TGM6: variants seen among roughly 807,000 people sequenced by gnomAD.
TGM6 encodes protein-glutamine gamma-glutamyltransferase 6.
In TGM6, 74 loss-of-function variants were observed where a neutral mutation model predicts 77.5. The ratio of observed to expected loss-of-function variants is 0.96; its 90% CI spans 0.79 to 1.16. TGM6 has a LOEUF of 1.16. TGM6 is among the 50% of genes most tolerant of loss of function. The probability of loss-of-function intolerance (pLI) is 0.00; values close to 1 mark genes in which losing one functional copy is unlikely to be tolerated. For synonymous variants in TGM6, 383 were observed against 378.9 expected (o/e 1.01, Z -0.12); for missense variants, 968 against 940.2 (o/e 1.03, Z -0.39).
intron 10 of TGM6, among the ~76,000 whole-genome samples, chr20:2,424,305 G>T (rs556616720): frequency 6.6e-6 from 1 of 152,288 alleles, no homozygotes; most frequent in African/African-American, 2.4e-5. Context: ...GTTTTATGTA[G>T]CCATCTTCAC....
At chr20:2,381,081 A>T in intron 1 of TGM6, 106 bp downstream of exon 1, 1 of 1,468,892 alleles carries the variant, frequency 6.8e-7, no homozygotes, top group Admixed American at 2.0e-5. Flanking sequence ...TTAGGATTTT[A>T]CAGCTGGATA....
chr20:2,429,789 G>A (rs1249825651), intron 10 of TGM6, among the ~76,000 whole-genome samples: 1 of 152,054 alleles, frequency 6.6e-6, no homozygotes, highest in South Asian at 2.1e-4. Flanking sequence ...AAAGACTGAG[G>A]TTTATGGTGA....
At chr20:2,383,059 G>A (rs551607007) in intron 1 of TGM6, among the ~76,000 whole-genome samples, 2 of 152,306 alleles carry the variant, frequency 1.3e-5, no homozygotes, top group South Asian at 4.1e-4. Context: ...GAGGCCAGCA[G>A]CTTCCAACAA....
Position 2,403,473 on chromosome 20 carries a change from G to A in TGM6, c.1066G>A (p.Asp356Asn). Reference sequence around the variant, plus strand: ...CTCTTACAATGGCTGGCAGGTTCTGGATGCCACCCCCCAGGAGGAGAGTGA... The same window carrying A: ...CTCTTACAATGGCTGGCAGGTTCTGAATGCCACCCCCCAGGAGGAGAGTGA... Reference protein sequence around the residue: ...GPSYNGWQVLDATPQEESEGV... With the variant: ...GPSYNGWQVLNATPQEESEGV... The change falls in exon 8 of 13, where the codon GAT becomes AAT. Residue 356 changes from aspartate to asparagine, a missense_variant. Asp to Asn is a conservative substitution (Grantham distance 23). Transcript: ENST00000202625. 6.2e-7 allele frequency: 1 copy of A among 1,614,192 alleles called. No homozygotes were observed. The highest frequency in any genetic ancestry group is 8.5e-7 in the Non-Finnish European group (1 of 1,180,034).
chr20:2,425,026 A>G lies in TGM6; in HGVS notation c.1679-5420A>G, dbSNP rs115242410. Among the ~76,000 whole-genome samples, 492 of 152,282 alleles carry G rather than the reference A, an allele frequency of 3.2e-3. 4 individuals carry two copies. Among genetic ancestry groups the G allele is most frequent in the African/African-American group, 0.011 (470 of 41,562 alleles). ...TGTGGTGCTAACAAACAGTTACAATAGTAGCCTCAAAGATCACTGATCAAG... is the reference window on the plus strand; with the variant it reads ...TGTGGTGCTAACAAACAGTTACAATGGTAGCCTCAAAGATCACTGATCAAG... On this transcript the variant is annotated intron_variant, in intron 10 of 12. Transcript: ENST00000202625.
intron 10 of TGM6, among the ~76,000 whole-genome samples, chr20:2,418,812 C>G (rs1298492438): frequency 6.6e-6 from 1 of 151,984 alleles, no homozygotes; most frequent in Non-Finnish European, 1.5e-5. Flanking sequence ...CGCGGTGGCT[C>G]ACGCCTGTAA....
chr20:2,426,795 T>C (rs6048880), intron 10 of TGM6, among the ~76,000 whole-genome samples: 33,958 of 152,112 alleles, frequency 0.22, 3,991 homozygotes, highest in South Asian at 0.3. Flanking sequence ...TCCTGTTGAT[T>C]TGATGGACTA....
intron 10 of TGM6, among the ~76,000 whole-genome samples, chr20:2,421,326 G>A (rs1256307637): frequency 2.6e-5 from 4 of 152,200 alleles, no homozygotes; most frequent in Non-Finnish European, 5.9e-5. Context: ...GAGCACACTT[G>A]CTGCACCTTA....
intron 1 of TGM6, among the ~76,000 whole-genome samples, chr20:2,392,211 C>T (rs1227732690): frequency 1.3e-5 from 2 of 152,186 alleles, no homozygotes; most frequent in East Asian, 1.9e-4. Flanking sequence ...GGGTCTGTAG[C>T]ATCCAGCACA....
chr20:2,430,639 C>T, intron 11 of TGM6, 39 bp downstream of exon 11: 1 of 1,613,094 alleles, frequency 6.2e-7, no homozygotes, highest in African/African-American at 1.3e-5. Context: ...TTCCTAGTGG[C>T]ACCCACTCCC....
intron 1 of TGM6, among the ~76,000 whole-genome samples, chr20:2,389,429 C>CAA (rs564625196): frequency 6.6e-6 from 1 of 152,268 alleles, no homozygotes; most frequent in East Asian, 1.9e-4. Context: ...TCCTGACCCA[C>CAA]AAAAACCATG....
chr20:2,402,325 T>C (rs1037816573), intron 7 of TGM6, among the ~76,000 whole-genome samples: 1 of 152,236 alleles, frequency 6.6e-6, no homozygotes, highest in Admixed American at 6.5e-5. Flanking sequence ...CAGAGAGCCT[T>C]GTATCCTTGT....
At position 2,417,479 on chromosome 20, in the gene TGM6, G is replaced by A; in HGVS notation, c.1584G>A (p.Arg528=). ...ANLTSRAQRV[R]VNLSGATILY... ...TCACCTCCCGGGCCCAGCGGGTGAG[G>A]GTCAACCTGAGCGGTGCCACCATCC... is the stretch of plus-strand genomic sequence containing the variant. The change falls in exon 10 of 13, where the codon AGG becomes AGA. Residue 528 remains arginine, a synonymous_variant. Transcript: ENST00000202625. The A allele has an allele frequency of 1.2e-6, 2 of 1,610,086 alleles. No individual in the cohort carries two copies. The highest frequency in any genetic ancestry group is 1.3e-5 in the African/African-American group (1 of 75,032).
At chr20:2,413,845 C>G (rs896382826) in intron 9 of TGM6, among the ~76,000 whole-genome samples, 2 of 152,108 alleles carry the variant, frequency 1.3e-5, no homozygotes, top group Admixed American at 6.5e-5. Flanking sequence ...TTAGACCAAG[C>G]CTTTTCAGAA....
intron 9 of TGM6, among the ~76,000 whole-genome samples, chr20:2,413,880 A>C (rs1456920883): frequency 6.6e-6 from 1 of 152,182 alleles, no homozygotes; most frequent in Non-Finnish European, 1.5e-5. Flanking sequence ...ACAAGTAACA[A>C]AGGAAAAAAT....
At chr20:2,390,814 A>G (rs2084624851) in intron 1 of TGM6, among the ~76,000 whole-genome samples, 1 of 152,174 alleles carries the variant, frequency 6.6e-6, no homozygotes, top group Non-Finnish European at 1.5e-5. Flanking sequence ...GCAAGGGAGC[A>G]GGTTCTGCAG....
chr20:2,402,323 C>T (rs1295606169), intron 7 of TGM6, among the ~76,000 whole-genome samples: 1 of 152,114 alleles, frequency 6.6e-6, no homozygotes, highest in Non-Finnish European at 1.5e-5. Flanking sequence ...CACAGAGAGC[C>T]TTGTATCCTT....
At chr20:2,418,489 C>G (rs2084833557) in intron 10 of TGM6, among the ~76,000 whole-genome samples, 1 of 152,072 alleles carries the variant, frequency 6.6e-6, no homozygotes, top group Non-Finnish European at 1.5e-5. Context: ...GTTGCAGGAC[C>G]CAAATCCAGG....
rs1470312023 is a variant in TGM6 at position 2,400,458 on chromosome 20, C to T, written c.989+14C>T. 1 of 1,614,016 alleles carries T rather than the reference C, an allele frequency of 6.2e-7. No individual in the cohort carries two copies. Among genetic ancestry groups the T allele is most frequent in the South Asian group, 1.1e-5 (1 of 91,078 alleles). On this transcript the variant is annotated intron_variant, in intron 7 of 12. Transcript: ENST00000202625. Reference sequence around the variant, plus strand: ...AGACAGCATGTGGTGGGTCCTGCCCCCAGCCTAGGCCCGAGGGCTCTGGAA... The same window carrying T: ...AGACAGCATGTGGTGGGTCCTGCCCTCAGCCTAGGCCCGAGGGCTCTGGAA...
Sources: allele counts gnomAD v4.1 joint callset (sites outside exome capture counted in the v4.1 genomes callset), GRCh38; gene constraint gnomAD v4.1.1; transcripts MANE v1.5; gene names NCBI Gene and HGNC (gene_info 2026-07-23, HGNC 2026-07-21).